EPHB4: variants seen among roughly 807,000 people sequenced by gnomAD.
The protein encoded by EPHB4 is EPH receptor B4, also known as ephrin type-B receptor 4.
Under a neutral mutation model 110.6 loss-of-function variants are expected in EPHB4, and 50 were observed. That is an observed-to-expected ratio of 0.45 (90% CI 0.36 to 0.57). EPHB4 has a LOEUF of 0.57. Ranked by LOEUF, EPHB4 falls within the 20% of genes least tolerant of loss-of-function variation. The pLI, the probability that EPHB4 is intolerant of heterozygous loss-of-function variation, is 0.00. For synonymous variants in EPHB4, 592 were observed against 578.4 expected, an observed-to-expected ratio of 1.02 and a Z score of -0.34; for missense variants, 1,128 against 1,382.1, an observed-to-expected ratio of 0.82 and a Z score of 2.91.
intron 1 of EPHB4, 102 bp downstream of exon 1, chr7:100,826,877 G>A: frequency 1.5e-6 from 2 of 1,372,366 alleles, no homozygotes; most frequent in Non-Finnish European, 2.0e-6. Context: ...GCAGTGCCCG[G>A]GTAGGGGTAG....
At chr7:100,811,614 A>G (rs1434857855) in intron 12 of EPHB4, among the ~76,000 whole-genome samples, 1 of 152,110 alleles carries the variant, frequency 6.6e-6, no homozygotes, top group Non-Finnish European at 1.5e-5. Flanking sequence ...TCATGCCTGC[A>G]ATCCCAGTGC....
intron 16 of EPHB4, among the ~76,000 whole-genome samples, 182 bp from the exon 17 acceptor site, chr7:100,803,772 G>GTGCAACC (rs1812752645): frequency 6.6e-6 from 1 of 152,140 alleles, no homozygotes; most frequent in South Asian, 2.1e-4. Flanking sequence ...CCATCCTTCT[G>GTGCAACC]TGCAACCGCA....
Position 100,820,208 on chromosome 7 carries a change from T to A in EPHB4, c.897A>T (p.Ser299=). ...ACCCGACGCGGCACTGGCAGACGGC[T>A]GATCCAATGGTGTTAGAGTGGCTAT... The part of the protein sequence containing the change: ...PANSHSNTIG[S]AVCQCRVGYF... Residue 299 remains serine (S), a synonymous_variant, in exon 5 of 17, where the codon TCA becomes TCT. Transcript: ENST00000358173. 1 of 1,614,164 alleles carries A rather than the reference T, an allele frequency of 6.2e-7. No homozygotes were observed. The highest frequency in any genetic ancestry group is 1.1e-5 in the South Asian group (1 of 91,084).
chr7:100,824,191 T>C lies in EPHB4; in HGVS notation c.123+12A>G, dbSNP rs774884314. 4 of 1,614,054 alleles carry C rather than the reference T, an allele frequency of 2.5e-6. No homozygotes were observed. Among genetic ancestry groups the C allele is most frequent in the Non-Finnish European group, 3.4e-6 (4 of 1,179,972 alleles). Reference sequence around the variant, plus strand: ...TCCCTCCAGAGCTCCAGCTCCTGGGTGCAGCTCTCACCTGCCCGTCCACCT... The same window carrying C: ...TCCCTCCAGAGCTCCAGCTCCTGGGCGCAGCTCTCACCTGCCCGTCCACCT... On this transcript the variant is annotated intron_variant, in intron 2 of 16. Coordinates refer to ENST00000358173, the MANE Select transcript of EPHB4 (RefSeq NM_004444.5).
At chr7:100,805,446 G>A in intron 15 of EPHB4, 55 bp downstream of exon 15, 1 of 1,544,830 alleles carries the variant, frequency 6.5e-7, no homozygotes, top group African/African-American at 1.4e-5. Flanking sequence ...GACACTTCTG[G>A]GCAAGGAGTG....
rs758060600 is a variant in EPHB4 at position 100,819,815 on chromosome 7, G to A, written c.1039C>T (p.Leu347=). The change falls in exon 6 of 17, where the codon CTG becomes TTG. Residue 347 remains leucine, a synonymous_variant. Coordinates refer to ENST00000358173, the MANE Select transcript of EPHB4 (RefSeq NM_004444.5). ...AGGTCCTCTCGGCCACCAGACTCCAGGGGGGCACTCCATTCCAGGTGCAGG... is the reference window on the plus strand; with the variant it reads ...AGGTCCTCTCGGCCACCAGACTCCAAGGGGGCACTCCATTCCAGGTGCAGG... The part of the protein sequence containing the change: ...SSLHLEWSAP[L]ESGGREDLTY... 2.2e-5 allele frequency: 35 copies of A among 1,560,974 alleles called. No individual in the cohort carries two copies. Among genetic ancestry groups the A allele is most frequent in the Non-Finnish European group, 2.9e-5 (34 of 1,153,038 alleles).
At chr7:100,821,990 G>A (rs1432084488) in intron 4 of EPHB4, among the ~76,000 whole-genome samples, 2 of 151,852 alleles carry the variant, frequency 1.3e-5, no homozygotes, top group South Asian at 2.1e-4. Flanking sequence ...GCGAAACCCC[G>A]TCTCTACTAA....
intron 6 of EPHB4, among the ~76,000 whole-genome samples, chr7:100,819,217 A>G (rs1026787947): frequency 1.3e-5 from 2 of 152,042 alleles, no homozygotes; most frequent in African/African-American, 4.8e-5. Flanking sequence ...GGCTCAAGCA[A>G]TCCTCCTGCC....
At position 100,817,376 on chromosome 7, in the gene EPHB4, G is replaced by A; in HGVS notation, c.1423-19C>T. 1 of 1,535,302 alleles carries A rather than the reference G, an allele frequency of 6.5e-7. No individual in the cohort carries two copies. The highest frequency in any genetic ancestry group is 2.3e-4 in the Middle Eastern group (1 of 4,408). ...CGGCGCCCTGTCCGGGAGAGGTAGT[G>A]GGGTGGCCGTCACCCGGGAACCCAA... On this transcript the variant is annotated intron_variant, in intron 7 of 16. Coordinates refer to ENST00000358173, the MANE Select transcript of EPHB4 (RefSeq NM_004444.5).
chr7:100,806,667 C>G (rs1812824218), intron 13 of EPHB4, 98 bp from the exon 14 acceptor site: 5 of 1,415,386 alleles, frequency 3.5e-6, no homozygotes, highest in Admixed American at 2.3e-5. Context: ...TCTGCTTTTT[C>G]CCCCTAGCTC....
At position 100,818,300 on chromosome 7, in the gene EPHB4, C is replaced by T. The variant is rs1813132274; in HGVS notation, c.1422+220G>A. 2.0e-5 allele frequency among the ~76,000 whole-genome samples: 3 copies of T among 152,242 alleles called. No homozygotes were observed. The South Asian group carries it at 6.2e-4, about 32-fold the overall frequency. On this transcript the variant is annotated intron_variant, in intron 7 of 16. Coordinates refer to ENST00000358173, the MANE Select transcript of EPHB4 (RefSeq NM_004444.5). ...TACAGGCGTGAGCCACCGCACCCAA[C>T]CTCAGCCACTGTGTCCAGCTGCTGG...
In EPHB4 at chr7:100,822,491, C is replaced by T. The variant is rs1411225044; in HGVS notation, c.588G>A (p.Lys196=). The change falls in exon 4 of 17, where the codon AAG becomes AAA. Residue 196 remains lysine (K), a synonymous_variant. Transcript: ENST00000358173. This position sits in a 1 kb window ranked among gnomAD's most constrained non-coding sequence, Gnocchi z 4.7. The part of the protein sequence containing the change: ...ALLSLHLFYK[K]CAQLTVNLTR... ...TCAGGTTCACAGTCAGCTGGGCGCACTTTTTGTAGAAGAGGTGCAGGGATA... is the reference window on the plus strand; with the variant it reads ...TCAGGTTCACAGTCAGCTGGGCGCATTTTTTGTAGAAGAGGTGCAGGGATA... The T allele has an allele frequency of 6.2e-7, 1 of 1,613,186 alleles. No homozygotes were observed. Among genetic ancestry groups the T allele is most frequent in the East Asian group, 2.2e-5 (1 of 44,864 alleles).
intron 8 of EPHB4, 134 bp downstream of exon 8, chr7:100,817,058 G>C: frequency 9.3e-7 from 1 of 1,070,848 alleles, no homozygotes; most frequent in Non-Finnish European, 1.2e-6. Flanking sequence ...ACTCCAGCCT[G>C]AGGGACAGAG....
intron 8 of EPHB4, 41 bp downstream of exon 8, chr7:100,817,151 G>A (rs1005776802): frequency 8.2e-6 from 12 of 1,462,104 alleles, no homozygotes; most frequent in Non-Finnish European, 1.1e-5. Flanking sequence ...AACTTTGGGG[G>A]TCTTTCCAAC....
intron 12 of EPHB4, among the ~76,000 whole-genome samples, chr7:100,808,626 G>A (rs986423693): frequency 1.3e-5 from 2 of 152,212 alleles, no homozygotes; most frequent in Admixed American, 6.5e-5. Context: ...GTGAGGAACT[G>A]CAGTATGACC....
intron 12 of EPHB4, among the ~76,000 whole-genome samples, chr7:100,808,788 C>A (rs569319359): frequency 2.0e-5 from 3 of 152,310 alleles, no homozygotes; most frequent in Non-Finnish European, 4.4e-5. Context: ...CCCTACAGAA[C>A]CAGGGACATA....
intron 8 of EPHB4, among the ~76,000 whole-genome samples, chr7:100,814,560 G>A (rs1419152196): frequency 6.6e-6 from 1 of 152,134 alleles, no homozygotes; most frequent in African/African-American, 2.4e-5. Context: ...ATAAATACCA[G>A]AGTCCACAAA....
rs747538171 is a variant in EPHB4 at position 100,805,506 on chromosome 7, A to G, written c.2673T>C (p.Asn891=). 1 of 1,521,420 alleles carries G rather than the reference A, an allele frequency of 6.6e-7. No homozygotes were observed. Among genetic ancestry groups the G allele is most frequent in the Non-Finnish European group, 8.8e-7 (1 of 1,134,278 alleles). The allele number at this position is 1,521,420 out of a possible 1,614,324, so 94.2% of individuals were successfully genotyped here. A position where few individuals can be genotyped will look rare whatever the true frequency, so the allele number is the denominator to read the frequency against. The stretch of plus-strand genomic sequence containing the variant: ...CCATTCTCTGCAGTCCTCACCCGCC[A>G]TTCTCCCGGGCCACGATTTTGAGGC... ...PASLKIVARE[N]GGASHPLLDQ... Residue 891 remains asparagine, a synonymous_variant, in exon 15 of 17, where the codon AAT becomes AAC. Coordinates refer to ENST00000358173, the MANE Select transcript of EPHB4 (RefSeq NM_004444.5).
intron 8 of EPHB4, among the ~76,000 whole-genome samples, chr7:100,816,457 C>G (rs957242875): frequency 6.6e-6 from 1 of 151,816 alleles, no homozygotes; most frequent in Admixed American, 6.6e-5. Flanking sequence ...CCTCAGCCTC[C>G]CGAGTAGCTG....
Sources: gnomAD v4.1 joint callset for allele counts (sites outside exome capture counted in the v4.1 genomes callset) on GRCh38, gnomAD v4.1.1 for gene constraint, Gnocchi (gnomAD v3.1) non-coding constraint, MANE v1.5 for transcripts, NCBI Gene and HGNC (gene_info 2026-07-23, HGNC 2026-07-21) for gene names.